Variants in AFF2 observed in about 807,000 individuals in gnomAD.
AFF2 encodes the protein AF4/FMR2 family member 2.
Under a neutral mutation model 76.9 loss-of-function variants are expected in AFF2, and 14 were observed. The ratio of observed to expected loss-of-function variants is 0.18; its 90% CI spans 0.12 to 0.28. The LOEUF (loss-of-function observed/expected upper bound fraction) is 0.28, where lower values mean the gene tolerates loss of function less well. Ranked by LOEUF, AFF2 falls within the 10% of genes least tolerant of loss-of-function variation. The probability of loss-of-function intolerance (pLI) is 1.00; values close to 1 mark genes in which losing one functional copy is unlikely to be tolerated. For missense variants in AFF2, 868 were observed against 1,001.1 expected, an observed-to-expected ratio of 0.87 and a Z score of 1.79; for synonymous variants, 398 against 366.7, an observed-to-expected ratio of 1.09 and a Z score of -0.98.
chrX:148,502,985 A>G (rs1202887984), intron 1 of AFF2, among the ~76,000 whole-genome samples: 1 of 112,725 alleles, frequency 8.9e-6, no homozygotes, highest in African/African-American at 3.2e-5. Flanking sequence ...AGGAAAATGC[A>G]AAACCTTTTT....
At chrX:148,530,186 G>A (rs2052713587) in intron 1 of AFF2, among the ~76,000 whole-genome samples, 2 of 111,258 alleles carry the variant, frequency 1.8e-5, no homozygotes, top group South Asian at 7.5e-4. Flanking sequence ...GACTCATATT[G>A]AGCACCCAAG....
chrX:148,550,370 T>C (rs782602758), intron 1 of AFF2, among the ~76,000 whole-genome samples: 1 of 112,041 alleles, frequency 8.9e-6, no homozygotes, highest in African/African-American at 3.2e-5. Flanking sequence ...TAACAGAGAA[T>C]TGCATCAGAT....
rs781976462 is a variant in AFF2 at position 148,842,946 on chromosome X, A to T, written c.1174-20A>T. On this transcript the variant is annotated intron_variant, in intron 5 of 20. Coordinates refer to ENST00000370460, the MANE Select transcript of AFF2 (RefSeq NM_002025.4). ...GTGTCATTTAACTAATGTTTGTGTC[A>T]TATATATTATTCCTTATAGGAATCG... 2.6e-6 allele frequency: 3 copies of T among 1,171,136 alleles called. No homozygotes were observed. Among genetic ancestry groups the T allele is most frequent in the Admixed American group, 4.6e-5 (2 of 43,424 alleles).
chrX:148,957,199 G>A (rs1340577279), intron 11 of AFF2, among the ~76,000 whole-genome samples: 3 of 111,601 alleles, frequency 2.7e-5, no homozygotes, highest in African/African-American at 6.5e-5. Flanking sequence ...TCATTCTGTC[G>A]TATCTCCACA....
intron 9 of AFF2, among the ~76,000 whole-genome samples, chrX:148,940,281 T>C (rs2071818619): frequency 8.9e-6 from 1 of 111,969 alleles, no homozygotes; most frequent in African/African-American, 3.2e-5. Context: ...ATCCCTAAGA[T>C]GTGCATTTGT....
At chrX:148,944,307 C>T (rs781802331) in intron 9 of AFF2, among the ~76,000 whole-genome samples, 4 of 111,678 alleles carry the variant, frequency 3.6e-5, no homozygotes, top group Admixed American at 9.5e-5. Context: ...GCTCCACCTA[C>T]GATTTGTAAC....
chrX:148,952,096 GA>G (rs199657177), intron 9 of AFF2, among the ~76,000 whole-genome samples: 3,169 of 111,700 alleles, frequency 0.028, 83 homozygotes, highest in African/African-American at 0.098. Flanking sequence ...GCTTTGAAGG[GA>G]TCCTATTCCT....
intron 7 of AFF2, among the ~76,000 whole-genome samples, chrX:148,868,969 G>T (rs1356478042): frequency 8.9e-6 from 1 of 112,621 alleles, no homozygotes; most frequent in Non-Finnish European, 1.9e-5. Context: ...TTGCACTGGG[G>T]ATTAGGTTTC....
At chrX:148,931,274 A>AT (rs2124295179) in intron 9 of AFF2, among the ~76,000 whole-genome samples, 1 of 106,625 alleles carries the variant, frequency 9.4e-6, no homozygotes, top group Non-Finnish European at 1.9e-5. Flanking sequence ...AAAAAAAAAA[A>AT]AAAAATTCAT....
At chrX:148,636,815 A>G (rs1318589219) in intron 1 of AFF2, among the ~76,000 whole-genome samples, 1 of 111,481 alleles carries the variant, frequency 9.0e-6, no homozygotes, top group Non-Finnish European at 1.9e-5. Context: ...TTGGGAAAAA[A>G]AAAACCAGAC....
intron 1 of AFF2, among the ~76,000 whole-genome samples, chrX:148,631,162 G>A (rs782566786): frequency 1.8e-5 from 2 of 111,474 alleles, no homozygotes; most frequent in Non-Finnish European, 3.8e-5. Flanking sequence ...TTAGTTGCAG[G>A]GTTCCAGAAG....
At chrX:148,614,925 T>G (rs1437714163) in intron 1 of AFF2, among the ~76,000 whole-genome samples, 2 of 108,417 alleles carry the variant, frequency 1.8e-5, no homozygotes, top group African/African-American at 6.8e-5. Flanking sequence ...TTTTCCTTAA[T>G]GAATAAATGA....
At chrX:148,855,934 C>T (rs1216844340) in intron 7 of AFF2, among the ~76,000 whole-genome samples, 3 of 111,771 alleles carry the variant, frequency 2.7e-5, no homozygotes, top group African/African-American at 9.8e-5. Context: ...ATGATTATTG[C>T]GGTCATGATC....
At chrX:148,899,288 A>G (rs782304907) in intron 8 of AFF2, among the ~76,000 whole-genome samples, 12 of 112,094 alleles carry the variant, frequency 1.1e-4, no homozygotes, top group Non-Finnish European at 2.1e-4. Flanking sequence ...TATTTAAGCA[A>G]GTGCTGTCAG....
intron 2 of AFF2, among the ~76,000 whole-genome samples, chrX:148,653,782 G>A (rs1364811140): frequency 8.9e-5 from 10 of 111,847 alleles, no homozygotes; most frequent in Non-Finnish European, 1.9e-4. Flanking sequence ...AGAATTAATG[G>A]TTCCCAAGTT....
intron 1 of AFF2, among the ~76,000 whole-genome samples, chrX:148,534,969 G>A (rs2052768435): frequency 9.0e-6 from 1 of 111,655 alleles, no homozygotes; most frequent in African/African-American, 3.3e-5. Flanking sequence ...AATGATAAAA[G>A]GTGTGGCTTT....
chrX:148,704,274 A>ATATATATATGTGTGTATATATATATT lies in AFF2; in HGVS notation c.1041+41568_1041+41593dup, dbSNP rs1569553719. On this transcript the variant is annotated intron_variant, in intron 3 of 20. Transcript: ENST00000370460. ...TATATATGTGTGTATATATATATTT[A>ATATATATATGTGTGTATATATATATT]TATATATATGTGTGTATATATATAT... 4.4e-4 allele frequency among the ~76,000 whole-genome samples: 34 copies of ATATATATATGTGTGTATATATATATT among 77,057 alleles called. 1 individual carries two copies. The highest frequency in any genetic ancestry group is 7.0e-4 in the African/African-American group (13 of 18,624). The allele number at this position is 77,057 out of a possible 115,157, so 66.9% of individuals were successfully genotyped here. A position where few individuals can be genotyped will look rare whatever the true frequency, so the allele number is the denominator to read the frequency against.
chrX:148,785,513 G>C (rs782681676), intron 3 of AFF2, among the ~76,000 whole-genome samples: 1 of 111,935 alleles, frequency 8.9e-6, no homozygotes, highest in Non-Finnish European at 1.9e-5. Context: ...CTGGCTACAA[G>C]ACATGTCTGA....
chrX:148,946,260 C>T (rs1322852500), intron 9 of AFF2, among the ~76,000 whole-genome samples: 2 of 112,205 alleles, frequency 1.8e-5, no homozygotes, highest in Admixed American at 9.5e-5. Context: ...AATCTACTAG[C>T]GTCTTTTTAC....
Sources: allele counts gnomAD v4.1 joint callset (sites outside exome capture counted in the v4.1 genomes callset), GRCh38; gene constraint gnomAD v4.1.1; transcripts MANE v1.5; gene names NCBI Gene and HGNC (gene_info 2026-07-23, HGNC 2026-07-21).